Variants in TADA2A observed in about 807,000 individuals in gnomAD.
The protein encoded by TADA2A is transcriptional adapter 2-alpha.
In TADA2A, 38 loss-of-function variants were observed where a neutral mutation model predicts 67.4. The ratio of observed to expected loss-of-function variants is 0.56; its 90% CI spans 0.44 to 0.74. The LOEUF (loss-of-function observed/expected upper bound fraction) is 0.74, where lower values mean the gene tolerates loss of function less well. Among genes scored for constraint, TADA2A ranks in the 30% least tolerant of loss-of-function variants. TADA2A has a pLI of 0.00. For synonymous variants in TADA2A, 192 were observed against 181.6 expected, an observed-to-expected ratio of 1.06 and a Z score of -0.46; for missense variants, 454 against 547.0, an observed-to-expected ratio of 0.83 and a Z score of 1.70.
intron 3 of TADA2A, among the ~76,000 whole-genome samples, chr17:37,424,417 A>G (rs953744606): frequency 2.0e-5 from 3 of 151,466 alleles, no homozygotes; most frequent in Non-Finnish European, 4.4e-5. Flanking sequence ...GTAGTGGCAC[A>G]ATCTTGGCTC....
chr17:37,470,302 T>C, intron 12 of TADA2A, 98 bp from the exon 13 acceptor site: 1 of 1,479,984 alleles, frequency 6.8e-7, no homozygotes, highest in Non-Finnish European at 9.1e-7. Context: ...GGAAACAGAC[T>C]TTAAGAACAA....
At chr17:37,464,566 G>A (rs754984512) in intron 10 of TADA2A, among the ~76,000 whole-genome samples, 4 of 152,124 alleles carry the variant, frequency 2.6e-5, no homozygotes, top group Admixed American at 6.6e-5. Context: ...GTGGCCGGGC[G>A]CGGTGGCTCA....
intron 7 of TADA2A, among the ~76,000 whole-genome samples, chr17:37,442,952 C>A (rs964834416): frequency 2.3e-4 from 35 of 152,066 alleles, no homozygotes; most frequent in African/African-American, 8.5e-4. Context: ...CGCTTGAGTC[C>A]AGGTGTTCGA....
intron 2 of TADA2A, among the ~76,000 whole-genome samples, chr17:37,412,298 A>G (rs548434365): frequency 1.7e-3 from 255 of 152,190 alleles, no homozygotes; most frequent in African/African-American, 5.9e-3. Flanking sequence ...TAGAAAAGCC[A>G]TGGGATTTCT....
At chr17:37,459,247 CTTT>C (rs34871036) in intron 9 of TADA2A, among the ~76,000 whole-genome samples, 3 of 146,198 alleles carry the variant, frequency 2.1e-5, no homozygotes, top group African/African-American at 7.6e-5. Flanking sequence ...TATTGTTACA[CTTT>C]TTTTTTTTTA....
At chr17:37,410,631 T>C (rs957263132) in intron 1 of TADA2A, among the ~76,000 whole-genome samples, 1 of 152,186 alleles carries the variant, frequency 6.6e-6, no homozygotes, top group Non-Finnish European at 1.5e-5. Context: ...AGTTAAACAG[T>C]TGAGCCACCT....
intron 1 of TADA2A, among the ~76,000 whole-genome samples, chr17:37,409,771 A>C (rs1324461412): frequency 7.0e-6 from 1 of 143,308 alleles, no homozygotes; most frequent in Non-Finnish European, 1.6e-5. Flanking sequence ...TAGTCTCAAA[A>C]AAAAACAAAA....
At chr17:37,422,545 C>T (rs1320887993) in intron 2 of TADA2A, among the ~76,000 whole-genome samples, 1 of 145,764 alleles carries the variant, frequency 6.9e-6, no homozygotes, top group African/African-American at 2.5e-5. Context: ...CTAGCTCTGT[C>T]GCCCAGGCTG....
At chr17:37,472,293 T>C (rs2053805263) in intron 14 of TADA2A, among the ~76,000 whole-genome samples, 1 of 151,946 alleles carries the variant, frequency 6.6e-6, no homozygotes, top group Non-Finnish European at 1.5e-5. Context: ...CTCGAACTGC[T>C]GACCTCAGGT....
chr17:37,409,926 G>GA (rs2051808960), intron 1 of TADA2A, among the ~76,000 whole-genome samples: 1 of 151,822 alleles, frequency 6.6e-6, no homozygotes, highest in African/African-American at 2.4e-5. Flanking sequence ...AGCACTTTTG[G>GA]AGGCCGAGGT....
chr17:37,463,503 G>A (rs892445270), intron 10 of TADA2A, among the ~76,000 whole-genome samples: 1 of 152,018 alleles, frequency 6.6e-6, no homozygotes, highest in South Asian at 2.1e-4. Flanking sequence ...CTACTTGGGA[G>A]GCTGAGGCAG....
intron 4 of TADA2A, among the ~76,000 whole-genome samples, chr17:37,437,428 C>T (rs853227): frequency 0.21 from 31,055 of 150,274 alleles, 3,700 homozygotes; most frequent in East Asian, 0.55. Context: ...GTTGTGACGC[C>T]CAGGCTGAAG....
intron 8 of TADA2A, among the ~76,000 whole-genome samples, chr17:37,448,696 T>A (rs2053150194): frequency 6.6e-6 from 1 of 152,292 alleles, no homozygotes; most frequent in East Asian, 1.9e-4. Flanking sequence ...CAAGTCATTG[T>A]TGCCCCATAA....
chr17:37,432,521 G>C (rs2052599898), intron 4 of TADA2A, among the ~76,000 whole-genome samples: 1 of 152,100 alleles, frequency 6.6e-6, no homozygotes, highest in Non-Finnish European at 1.5e-5. Flanking sequence ...TGGTACATTT[G>C]CTACTAATCA....
chr17:37,476,612 G>T (rs1320346135), intron 15 of TADA2A, among the ~76,000 whole-genome samples, 185 bp from the exon 16 acceptor site: 1 of 152,186 alleles, frequency 6.6e-6, no homozygotes. Flanking sequence ...CTTCCTGGGT[G>T]TGTGTCCTTA....
chr17:37,443,507 G>A (rs1448599235), intron 7 of TADA2A, among the ~76,000 whole-genome samples: 1 of 152,118 alleles, frequency 6.6e-6, no homozygotes, highest in African/African-American at 2.4e-5. Context: ...ACCAGCCTCG[G>A]CCTCCCAAAG....
intron 15 of TADA2A, among the ~76,000 whole-genome samples, chr17:37,475,349 G>T (rs1403998567): frequency 6.6e-6 from 1 of 151,864 alleles, no homozygotes; most frequent in African/African-American, 2.4e-5. Flanking sequence ...GCTAATTTTT[G>T]TAGTTTTTAG....
At chr17:37,467,576 C>A (rs376621937) in intron 12 of TADA2A, 51 bp downstream of exon 12, 14 of 1,432,532 alleles carry the variant, frequency 9.8e-6, no homozygotes, top group Non-Finnish European at 1.4e-5. Flanking sequence ...ATCTTCCAGA[C>A]ACACAGAGGA....
At chr17:37,457,176 CTTTTTTTTTTTT>C (rs34125875) in intron 8 of TADA2A, among the ~76,000 whole-genome samples, 2 of 105,970 alleles carry the variant, frequency 1.9e-5, no homozygotes, top group East Asian at 5.2e-4. Context: ...AATCATTATT[CTTTTTTTTTTTT>C]TTTTTTTTTT....
Sources: gnomAD v4.1 joint callset for allele counts (sites outside exome capture counted in the v4.1 genomes callset) on GRCh38, gnomAD v4.1.1 for gene constraint, MANE v1.5 for transcripts, NCBI Gene and HGNC (gene_info 2026-07-23, HGNC 2026-07-21) for gene names.